The following CLCF1 variants were observed in gnomAD, a reference collection of about 807,000 sequenced individuals.
CLCF1 encodes cardiotrophin like cytokine factor 1.
CLCF1 carries 10 observed loss-of-function variants against 21.2 expected under a neutral mutation model. That is an observed-to-expected ratio of 0.47 (90% CI 0.29 to 0.80). CLCF1 has a LOEUF of 0.80. Ranked by LOEUF, CLCF1 falls within the 30% of genes least tolerant of loss-of-function variation. The pLI is 0.09. For missense variants in CLCF1, 240 were observed against 293.4 expected, an observed-to-expected ratio of 0.82 and a Z score of 1.33; for synonymous variants, 115 against 120.5, an observed-to-expected ratio of 0.95 and a Z score of 0.30.
rs755597472 is a variant in CLCF1 at position 67,373,422 on chromosome 11, C to G, written c.16+102G>C. 1.6e-5 allele frequency: 10 copies of G among 610,062 alleles called. No homozygotes were observed. The Admixed American group carries it at 3.6e-4, about 22-fold the overall frequency. 37.8% of individuals were successfully genotyped at this position (610,062 alleles called of 1,614,324 possible). ...CCGGCCCGAGCCCAGCTCCCTGGCC[C>G]GGCCCCGGCGCGGGGCTCCCGGGGG... On this transcript the variant is annotated intron_variant, in intron 1 of 2. Transcript: ENST00000312438.
upstream of CLCF1, chr11:67,374,018 G>GC (rs61435624): frequency 1 from 989,068 of 989,106 alleles, 494,515 homozygotes; most frequent in Middle Eastern, 1. Flanking sequence ...CCTGTCCCCT[G>GC]CCGATGCGGG....
At chr11:67,373,407 C>T in intron 1 of CLCF1, 117 bp downstream of exon 1, 1 of 520,722 alleles carries the variant, frequency 1.9e-6, no homozygotes, top group South Asian at 3.3e-5. Flanking sequence ...CCGGCCCGAG[C>T]CCAGCTCCCT....
chr11:67,374,079 A>G, upstream of CLCF1: 12 of 985,494 alleles, frequency 1.2e-5, no homozygotes, highest in Non-Finnish European at 1.4e-5. Context: ...CTCCCACCCT[A>G]CCTCTGCCTC....
rs562468314 is a variant in CLCF1, at chr11:67,367,428, C to T, written c.183+32G>A. The T allele has an allele frequency of 1.1e-5, 17 of 1,614,020 alleles. No homozygotes were observed. In the African/African-American group the frequency reaches 2.3e-4, roughly 22 times the overall value. ...TCTTTCCCCAACTCCTCACTCCTCC[C>T]CAACTCCCAGATTCCTACGCTGGAT... On this transcript the variant is annotated intron_variant, in intron 2 of 2. Transcript: ENST00000312438.
chr11:67,365,075 G>T lies in CLCF1; in HGVS notation c.*61C>A. On this transcript the variant is annotated 3_prime_UTR_variant, in exon 3 of 3. Coordinates refer to ENST00000312438, the MANE Select transcript of CLCF1 (RefSeq NM_013246.3). The surrounding 1 kb of genome is among the most constrained non-coding windows in gnomAD (Gnocchi z 5.0). Reference sequence around the variant, plus strand: ...GGCTCAACAGGTGTTGGCATACAGGGCTGGCTCTCACAAAGTGGGAGCAGG... The same window carrying T: ...GGCTCAACAGGTGTTGGCATACAGGTCTGGCTCTCACAAAGTGGGAGCAGG... 6.2e-7 allele frequency: 1 copy of T among 1,608,902 alleles called. No individual in the cohort carries two copies. Among genetic ancestry groups the T allele is most frequent in the Non-Finnish European group, 8.5e-7 (1 of 1,179,638 alleles).
upstream of CLCF1, chr11:67,373,765 C>T (rs1862288092): frequency 8.8e-7 from 1 of 1,133,012 alleles, no homozygotes; most frequent in South Asian, 4.3e-5. Context: ...TTGTAGCGGC[C>T]CTCCCCGGGG....
At chr11:67,368,009 C>G in intron 1 of CLCF1, 1 of 972,918 alleles carries the variant, frequency 1.0e-6, no homozygotes, top group Non-Finnish European at 1.2e-6. Flanking sequence ...CAGTTGTACC[C>G]TAGCTTCCTG....
At chr11:67,368,805 G>C (rs1387896711) in intron 1 of CLCF1, 4 of 985,060 alleles carry the variant, frequency 4.1e-6, no homozygotes, top group Non-Finnish European at 4.8e-6. Context: ...TTAGGTATCA[G>C]ATGGGGCGCT....
rs1328918659 is a variant in CLCF1, at chr11:67,365,275, T to C, written c.539A>G (p.Gln180Arg). 2 of 1,613,938 alleles carry C rather than the reference T, an allele frequency of 1.2e-6. No individual in the cohort carries two copies. Among genetic ancestry groups the C allele is most frequent in the South Asian group, 2.2e-5 (2 of 91,090 alleles). Residue 180 changes from glutamine to arginine, a missense_variant, in exon 3 of 3, where the codon CAG (glutamine) becomes CGG (arginine). Gln to Arg is a conservative substitution (Grantham distance 43, BLOSUM62 1). Transcript: ENST00000312438. The surrounding 1 kb of genome is among the most constrained non-coding windows in gnomAD (Gnocchi z 5.0). ...CAGCAGCCAGAAGTCGTCCATCTTC[T>C]GGAGGAAGTCACTGTGGGCAGGGCC... is the stretch of plus-strand genomic sequence containing the variant. ...TPGPAHSDFL[Q>R]KMDDFWLLKE...
In CLCF1 at chr11:67,365,002, G is replaced by A. The variant is rs903508737; in HGVS notation, c.*134C>T. 4.8e-6 allele frequency: 7 copies of A among 1,473,088 alleles called. No individual in the cohort carries two copies. The highest frequency in any genetic ancestry group is 2.3e-5 in the East Asian group (1 of 42,934). The allele number at this position is 1,473,088 out of a possible 1,614,324, so 91.3% of individuals were successfully genotyped here. ...GGAGACAGGGCTGATCGCATCACAC[G>A]CCCAGCCGGTCCAGGAAAGGGCCAG... On this transcript the variant is annotated 3_prime_UTR_variant, in exon 3 of 3. Coordinates refer to ENST00000312438, the MANE Select transcript of CLCF1 (RefSeq NM_013246.3). The surrounding 1 kb of genome is among the most constrained non-coding windows in gnomAD (Gnocchi z 5.0).
In CLCF1 at chr11:67,365,747, C is replaced by T. The variant is rs1158788349; in HGVS notation, c.184-117G>A. On this transcript the variant is annotated intron_variant, in intron 2 of 2. Transcript: ENST00000312438. The surrounding 1 kb of genome is among the most constrained non-coding windows in gnomAD (Gnocchi z 5.0). ...GTGTCCCCTGACACTGGCCCTGTCTCCATGCTAGGCTTCTTTGTTCATGGC... is the reference window on the plus strand; with the variant it reads ...GTGTCCCCTGACACTGGCCCTGTCTTCATGCTAGGCTTCTTTGTTCATGGC... 7.0e-7 allele frequency: 1 copy of T among 1,422,346 alleles called. No homozygotes were observed. The highest frequency in any genetic ancestry group is 9.4e-7 in the Non-Finnish European group (1 of 1,065,688). The allele number at this position is 1,422,346 out of a possible 1,614,324, so 88.1% of individuals were successfully genotyped here.
intron 2 of CLCF1, among the ~76,000 whole-genome samples, chr11:67,366,236 C>T (rs956531833): frequency 6.6e-6 from 1 of 151,924 alleles, no homozygotes; most frequent in Non-Finnish European, 1.5e-5. Context: ...GTAGACCACT[C>T]CTTGGAGAAA....
At chr11:67,373,607 G>A (rs1188043900), upstream of CLCF1, 2 of 1,285,776 alleles carry the variant, frequency 1.6e-6, no homozygotes, top group Non-Finnish European at 2.0e-6. Context: ...AGGGCGAGCC[G>A]CGGCTCCGGC....
chr11:67,372,491 T>C lies in CLCF1; in HGVS notation c.16+1033A>G, dbSNP rs931808755. Among the ~76,000 whole-genome samples the C allele has an allele frequency of 1.1e-4, 17 of 152,034 alleles. No individual in the cohort carries two copies. In the South Asian group the frequency reaches 2.5e-3, roughly 22 times the overall value. On this transcript the variant is annotated intron_variant, in intron 1 of 2. Coordinates refer to ENST00000312438, the MANE Select transcript of CLCF1 (RefSeq NM_013246.3). This position sits in a 1 kb window ranked among gnomAD's most constrained non-coding sequence, Gnocchi z 5.9. ...AAGCTGCACGGCGGCGGTTGCCAGCTGGCCCTCCCTGCTGGCGGTGACCTC... is the reference window on the plus strand; with the variant it reads ...AAGCTGCACGGCGGCGGTTGCCAGCCGGCCCTCCCTGCTGGCGGTGACCTC...
intron 1 of CLCF1, chr11:67,369,623 C>CG (rs1862187665): frequency 1.0e-6 from 1 of 985,338 alleles, no homozygotes; most frequent in South Asian, 4.7e-5. Context: ...AATTGGGCAG[C>CG]GGCCCTCCCA....
upstream of CLCF1, chr11:67,373,715 T>C: frequency 1.0e-6 from 1 of 957,364 alleles, no homozygotes; most frequent in Non-Finnish European, 1.3e-6. Flanking sequence ...TCTGCAAACT[T>C]TTTTTTTTTT....
Position 67,373,578 on chromosome 11 carries a change from C to A in CLCF1, c.-39G>T. ...GGCCGGCCGGGTGCGGCTCCTCTCC[C>A]GGAGGCTGGCGGAGTGGGAGGGCGA... is the stretch of plus-strand genomic sequence containing the variant. On this transcript the variant is annotated 5_prime_UTR_variant, in exon 1 of 3. Transcript: ENST00000312438. The A allele has an allele frequency of 7.5e-7, 1 of 1,340,930 alleles. No individual in the cohort carries two copies. The highest frequency in any genetic ancestry group is 9.6e-7 in the Non-Finnish European group (1 of 1,045,446). 83.1% of individuals were successfully genotyped at this position (1,340,930 alleles called of 1,614,324 possible). A position where few individuals can be genotyped will look rare whatever the true frequency, so the allele number is the denominator to read the frequency against.
intron 2 of CLCF1, among the ~76,000 whole-genome samples, chr11:67,366,725 T>C (rs912719020): frequency 2.0e-5 from 3 of 152,014 alleles, no homozygotes; most frequent in African/African-American, 7.3e-5. Context: ...CGGTGTATCC[T>C]GGGGCTGGAG....
At chr11:67,367,658 C>A (rs201618590) in intron 1 of CLCF1, 32 bp from the exon 2 acceptor site, 1 of 1,603,990 alleles carries the variant, frequency 6.2e-7, no homozygotes, top group Non-Finnish European at 8.5e-7. Flanking sequence ...AGCATGAGCG[C>A]GGCCCGGGCC....
Sources: allele counts gnomAD v4.1 joint callset (sites outside exome capture counted in the v4.1 genomes callset), GRCh38; gene constraint gnomAD v4.1.1; non-coding constraint Gnocchi (gnomAD v3.1); transcripts MANE v1.5; gene names NCBI Gene and HGNC (gene_info 2026-07-23, HGNC 2026-07-21).